Variants in SLC8A3 observed in about 807,000 individuals in gnomAD.
The protein encoded by SLC8A3 is sodium/calcium exchanger 3.
Under a neutral mutation model 65.4 loss-of-function variants are expected in SLC8A3, and 37 were observed. The observed-to-expected ratio is 0.57, with a 90% CI of 0.44 to 0.74. SLC8A3 has a LOEUF of 0.74. Among genes scored for constraint, SLC8A3 ranks in the 30% least tolerant of loss-of-function variants. The pLI is 0.00. For missense variants in SLC8A3, 1,112 were observed against 1,172.1 expected, an observed-to-expected ratio of 0.95 and a Z score of 0.75; for synonymous variants, 461 against 444.5, an observed-to-expected ratio of 1.04 and a Z score of -0.47.
At chr14:70,083,194 T>C (rs17765078) in intron 2 of SLC8A3, among the ~76,000 whole-genome samples, 11,551 of 152,282 alleles carry the variant, frequency 0.076, 520 homozygotes, top group Non-Finnish European at 0.11. Context: ...AGAGTGATTG[T>C]TTTTCCAAGA....
At chr14:70,109,644 G>A (rs1893142520) in intron 2 of SLC8A3, among the ~76,000 whole-genome samples, 1 of 151,932 alleles carries the variant, frequency 6.6e-6, no homozygotes, top group Admixed American at 6.6e-5. Context: ...GGTAGGGATG[G>A]GGTTTCACCA....
intron 1 of SLC8A3, among the ~76,000 whole-genome samples, chr14:70,169,088 T>G (rs1470672880): frequency 6.6e-6 from 1 of 152,142 alleles, no homozygotes; most frequent in Non-Finnish European, 1.5e-5. Context: ...TTGAAATGAG[T>G]GTTTCTTCTT....
At chr14:70,144,152 G>A (rs1405296951) in intron 2 of SLC8A3, among the ~76,000 whole-genome samples, 5 of 152,208 alleles carry the variant, frequency 3.3e-5, no homozygotes, top group East Asian at 1.9e-4. Flanking sequence ...CCCAGACAAC[G>A]TGGATTGAAA....
chr14:70,068,175 G>A (rs989722418), intron 2 of SLC8A3, among the ~76,000 whole-genome samples: 2 of 152,122 alleles, frequency 1.3e-5, no homozygotes, highest in Non-Finnish European at 2.9e-5. Flanking sequence ...TGATCCTCAG[G>A]GTGCTGCAAA....
chr14:70,087,971 A>T (rs1455745149), intron 2 of SLC8A3, among the ~76,000 whole-genome samples: 1 of 152,232 alleles, frequency 6.6e-6, no homozygotes, highest in Non-Finnish European at 1.5e-5. Context: ...AATATTTCAT[A>T]ATTATAGAAC....
chr14:70,086,928 T>A (rs1018466594), intron 2 of SLC8A3, among the ~76,000 whole-genome samples: 1 of 152,006 alleles, frequency 6.6e-6, no homozygotes, highest in African/African-American at 2.4e-5. Context: ...CTACCCAGAG[T>A]CAATGCTGAG....
At chr14:70,119,784 T>C (rs1406381485) in intron 2 of SLC8A3, among the ~76,000 whole-genome samples, 2 of 152,240 alleles carry the variant, frequency 1.3e-5, no homozygotes, top group African/African-American at 4.8e-5. Context: ...ATAGGATTGT[T>C]GTGAAGATTA....
chr14:70,087,229 A>G (rs1891501466), intron 2 of SLC8A3, among the ~76,000 whole-genome samples: 1 of 152,246 alleles, frequency 6.6e-6, no homozygotes, highest in Non-Finnish European at 1.5e-5. Context: ...TAACCATCAT[A>G]AAAATGAGAA....
rs1475720505 is a variant in SLC8A3 at position 70,045,904 on chromosome 14, G to A, written c.*43C>T. 3 of 1,511,416 alleles carry A rather than the reference G, an allele frequency of 2.0e-6. No homozygotes were observed. Among genetic ancestry groups the A allele is most frequent in the East Asian group, 4.6e-5 (2 of 43,436 alleles). The allele number at this position is 1,511,416 out of a possible 1,614,324, so 93.6% of individuals were successfully genotyped here. The stretch of plus-strand genomic sequence containing the variant: ...TGGTGGGGAAGTGCCCTTCTCTTAG[G>A]AGAAGTCCTAGGCCTGCCCTGCTGG... On this transcript the variant is annotated 3_prime_UTR_variant, in exon 7 of 7. Transcript: ENST00000356921.
intron 2 of SLC8A3, among the ~76,000 whole-genome samples, chr14:70,151,372 G>T (rs894031405): frequency 2.0e-5 from 3 of 152,092 alleles, no homozygotes; most frequent in African/African-American, 7.2e-5. Context: ...TGGGGTATGT[G>T]GCTTAGAGAA....
At chr14:70,182,701 CA>C (rs1414296657) in intron 1 of SLC8A3, among the ~76,000 whole-genome samples, 1 of 151,860 alleles carries the variant, frequency 6.6e-6, no homozygotes, top group Non-Finnish European at 1.5e-5. Flanking sequence ...AAAATAGGGA[CA>C]AATGATTAAA....
intron 1 of SLC8A3, among the ~76,000 whole-genome samples, chr14:70,185,861 G>A (rs1363339742): frequency 6.6e-6 from 1 of 152,172 alleles, no homozygotes; most frequent in African/African-American, 2.4e-5. Flanking sequence ...TGAGAAAAGG[G>A]TCCATTCTAT....
intron 2 of SLC8A3, among the ~76,000 whole-genome samples, chr14:70,135,000 T>C (rs544021115): frequency 1.8e-4 from 28 of 152,306 alleles, no homozygotes; most frequent in African/African-American, 6.5e-4. Context: ...CATAAGAAGA[T>C]GGCTGTGTAT....
chr14:70,056,262 A>G (rs1394493426), intron 3 of SLC8A3, among the ~76,000 whole-genome samples: 1 of 152,204 alleles, frequency 6.6e-6, no homozygotes, highest in African/African-American at 2.4e-5. Context: ...AAAAATGACC[A>G]TGGGGCTTGA....
chr14:70,181,462 A>T (rs1882742411), intron 1 of SLC8A3, among the ~76,000 whole-genome samples: 1 of 104,450 alleles, frequency 9.6e-6, no homozygotes, highest in East Asian at 3.3e-4. Flanking sequence ...GGTAAGCCAC[A>T]CGCAAAAAAA....
rs1379260854 is a variant in SLC8A3 at position 70,168,416 on chromosome 14, A to ACG, written c.5_6dup (p.Trp3ArgfsTer3). ...GAGGTGAGAGGCTGCAACCTTAACC[A>ACG]CGCCATACACGAGACTTAGCCACTG... is the stretch of plus-strand genomic sequence containing the variant. On this transcript the variant is annotated frameshift_variant, in exon 2 of 7. Coordinates refer to ENST00000356921, the MANE Select transcript of SLC8A3 (RefSeq NM_182932.3). LOFTEE classifies it high-confidence loss of function. 7 of 1,611,808 alleles carry ACG rather than the reference A, an allele frequency of 4.3e-6. No homozygotes were observed. Among genetic ancestry groups the ACG allele is most frequent in the African/African-American group, 1.3e-5 (1 of 74,862 alleles).
intron 2 of SLC8A3, among the ~76,000 whole-genome samples, chr14:70,119,414 G>A (rs976551464): frequency 2.0e-5 from 3 of 152,138 alleles, no homozygotes; most frequent in African/African-American, 2.4e-5. Flanking sequence ...CTTTGCTATG[G>A]TCAAGCATCA....
In SLC8A3 at chr14:70,051,001, T is replaced by C. The variant is rs781500233; in HGVS notation, c.2113+7A>G. ...TCCCAGCAAGGCCAGCCTGAGACAC[T>C]TCTCACCTGCACTGACGGTGATGGC... On this transcript the variant is annotated splice_region_variant and intron_variant, in intron 5 of 6. Transcript: ENST00000356921. The C allele has an allele frequency of 8.7e-5, 139 of 1,594,182 alleles. 1 individual carries two copies. In the South Asian group the frequency reaches 1.5e-3, roughly 17 times the overall value.
chr14:70,101,786 C>T (rs1306234455), intron 2 of SLC8A3, among the ~76,000 whole-genome samples: 1 of 152,172 alleles, frequency 6.6e-6, no homozygotes, highest in Non-Finnish European at 1.5e-5. Context: ...AAGGGAAATG[C>T]GTGAAGCAAT....
Sources: gnomAD v4.1 joint callset for allele counts (sites outside exome capture counted in the v4.1 genomes callset) on GRCh38, gnomAD v4.1.1 for gene constraint, MANE v1.5 for transcripts, NCBI Gene and HGNC (gene_info 2026-07-23, HGNC 2026-07-21) for gene names.